RBFOX1: variants seen among roughly 807,000 people sequenced by gnomAD.
RBFOX1 encodes the protein RNA binding protein fox-1 homolog 1.
In RBFOX1, 8 loss-of-function variants were observed where a neutral mutation model predicts 57.7. That is an observed-to-expected ratio of 0.14 (90% CI 0.08 to 0.25). The LOEUF (loss-of-function observed/expected upper bound fraction) is 0.25, where lower values mean the gene tolerates loss of function less well. RBFOX1 is among the 10% of genes least tolerant of loss of function. RBFOX1 has a pLI of 1.00. For missense variants in RBFOX1, 611 were observed against 548.5 expected, an observed-to-expected ratio of 1.11 and a Z score of -1.14; for synonymous variants, 326 against 222.4, an observed-to-expected ratio of 1.47 and a Z score of -4.15.
intron 4 of RBFOX1, among the ~76,000 whole-genome samples, chr16:7,486,994 G>A (rs371328074): frequency 1.3e-5 from 2 of 152,206 alleles, no homozygotes; most frequent in African/African-American, 4.8e-5. Flanking sequence ...CTGCCTCCCG[G>A]GTTCAAGCAG....
chr16:6,921,784 A>G (rs777737922), intron 3 of RBFOX1, among the ~76,000 whole-genome samples: 13 of 144,002 alleles, frequency 9.0e-5, no homozygotes, highest in Non-Finnish European at 1.4e-4. Flanking sequence ...TATGTTGTAT[A>G]TGCACACACA....
At chr16:5,267,683 C>G (rs181378279) in intron 1 of RBFOX1, among the ~76,000 whole-genome samples, 3 of 152,188 alleles carry the variant, frequency 2.0e-5, no homozygotes, top group African/African-American at 7.2e-5. Flanking sequence ...TGCACAATTT[C>G]TGGAATCTTC....
chr16:6,048,424 T>A (rs975961977), intron 1 of RBFOX1, among the ~76,000 whole-genome samples: 2 of 152,234 alleles, frequency 1.3e-5, no homozygotes, highest in Admixed American at 6.5e-5. Flanking sequence ...TTGTGATTTC[T>A]CCTGTTCTGC....
chr16:7,575,540 C>G (rs962923367), intron 5 of RBFOX1, among the ~76,000 whole-genome samples: 1 of 152,120 alleles, frequency 6.6e-6, no homozygotes, highest in Non-Finnish European at 1.5e-5. Context: ...GATGCAGACC[C>G]AAGCCAAGGA....
chr16:7,279,841 C>T (rs886177456), intron 4 of RBFOX1, among the ~76,000 whole-genome samples: 2 of 152,178 alleles, frequency 1.3e-5, no homozygotes, highest in Non-Finnish European at 2.9e-5. Context: ...CTTTCTATCC[C>T]TAAAGAGCCA....
At chr16:6,934,671 T>C (rs2077079854) in intron 3 of RBFOX1, among the ~76,000 whole-genome samples, 1 of 151,816 alleles carries the variant, frequency 6.6e-6, no homozygotes, top group Non-Finnish European at 1.5e-5. Flanking sequence ...TTCTCACTCA[T>C]ATGTGGGAGT....
chr16:5,257,054 C>G (rs1183725546), intron 1 of RBFOX1, among the ~76,000 whole-genome samples: 2 of 152,056 alleles, frequency 1.3e-5, no homozygotes, highest in African/African-American at 4.8e-5. Context: ...GTGTGGAAAC[C>G]AGACCAGGAC....
At chr16:7,297,728 A>C (rs2095928300) in intron 4 of RBFOX1, among the ~76,000 whole-genome samples, 1 of 152,132 alleles carries the variant, frequency 6.6e-6, no homozygotes, top group Admixed American at 6.5e-5. Flanking sequence ...TGATAATATA[A>C]CTGTTTCATT....
chr16:6,200,206 A>G (rs1317089493), intron 1 of RBFOX1, among the ~76,000 whole-genome samples: 2 of 152,182 alleles, frequency 1.3e-5, no homozygotes, highest in Non-Finnish European at 2.9e-5. Flanking sequence ...AGATGAATAC[A>G]ACTATTAATA....
chr16:5,352,564 C>T (rs1052800332), intron 1 of RBFOX1, among the ~76,000 whole-genome samples: 5 of 152,292 alleles, frequency 3.3e-5, no homozygotes, highest in East Asian at 1.9e-4. Flanking sequence ...TCACCCTGAA[C>T]GTTTGATCAC....
At chr16:5,926,124 G>A (rs879562173) in intron 4 of RBFOX1, among the ~76,000 whole-genome samples, 2 of 152,164 alleles carry the variant, frequency 1.3e-5, no homozygotes, top group Non-Finnish European at 2.9e-5. Context: ...AAGACATATT[G>A]TTATCTCTTC....
chr16:6,845,729 C>T (rs2141706350), intron 3 of RBFOX1, among the ~76,000 whole-genome samples: 1 of 152,286 alleles, frequency 6.6e-6, no homozygotes, highest in South Asian at 2.1e-4. Context: ...GACCCATGTA[C>T]CTCCTTCCTG....
intron 3 of RBFOX1, among the ~76,000 whole-genome samples, chr16:6,668,272 T>C (rs918946964): frequency 2.0e-5 from 3 of 152,046 alleles, no homozygotes; most frequent in Non-Finnish European, 4.4e-5. Flanking sequence ...GGCATGTGGG[T>C]TCTCCCAGAA....
At chr16:7,043,052 CTCCCTGACTTTATCCTGCTTTTGACT>C (rs376403817) in intron 3 of RBFOX1, among the ~76,000 whole-genome samples, 35,283 of 148,590 alleles carry the variant, frequency 0.24, 4,479 homozygotes, top group East Asian at 0.45. Context: ...CCCCCACAAT[CTCCCTGACTTTATCCTGCTTTTGACT>C]GTGCCATTCA....
intron 2 of RBFOX1, among the ~76,000 whole-genome samples, chr16:6,419,721 C>G (rs879161991): frequency 2.0e-5 from 3 of 152,068 alleles, no homozygotes; most frequent in African/African-American, 4.8e-5. Context: ...ATGACACATC[C>G]CAGTCGTGTT....
At chr16:6,330,544 T>C (rs77863558) in intron 2 of RBFOX1, among the ~76,000 whole-genome samples, 48 of 152,266 alleles carry the variant, frequency 3.2e-4, no homozygotes, top group African/African-American at 1.2e-3. Flanking sequence ...GGAATTGCTG[T>C]CTCACTATAT....
chr16:5,432,179 G>A (rs1398460954), intron 1 of RBFOX1, among the ~76,000 whole-genome samples: 1 of 152,184 alleles, frequency 6.6e-6, no homozygotes, highest in East Asian at 1.9e-4. Context: ...GCGAGGTGTG[G>A]ACATCACAAC....
intron 3 of RBFOX1, among the ~76,000 whole-genome samples, chr16:6,843,492 T>A (rs1162547893): frequency 6.6e-6 from 1 of 151,968 alleles, no homozygotes; most frequent in South Asian, 2.1e-4. Flanking sequence ...ATCGAGACCA[T>A]CCTGGCTAAC....
chr16:6,576,282 T>A (rs1031653064), intron 2 of RBFOX1, among the ~76,000 whole-genome samples: 2 of 152,104 alleles, frequency 1.3e-5, no homozygotes, highest in African/African-American at 4.8e-5. Flanking sequence ...ACACACACAC[T>A]CACTCATGCT....
Sources: gnomAD v4.1 joint callset for allele counts (sites outside exome capture counted in the v4.1 genomes callset) on GRCh38, gnomAD v4.1.1 for gene constraint, MANE v1.5 for transcripts, NCBI Gene and HGNC (gene_info 2026-07-23, HGNC 2026-07-21) for gene names.